GALNT13: variants seen among roughly 807,000 people sequenced by gnomAD.
The protein encoded by GALNT13 is UDP-GalNAc:polypeptide N-acetylgalactosaminyltransferase 13.
In GALNT13, 28 loss-of-function variants were observed where a neutral mutation model predicts 64.2. The observed-to-expected ratio is 0.44, with a 90% CI of 0.32 to 0.60. The LOEUF (loss-of-function observed/expected upper bound fraction) is 0.60, where lower values mean the gene tolerates loss of function less well. Ranked by LOEUF, GALNT13 falls within the 20% of genes least tolerant of loss-of-function variation. The pLI, the probability that GALNT13 is intolerant of heterozygous loss-of-function variation, is 0.05. For synonymous variants in GALNT13, 214 were observed against 224.6 expected (o/e 0.95, Z 0.42); for missense variants, 577 against 669.8 (o/e 0.86, Z 1.53).
At chr2:153,525,268 G>A in the GALNT13 span, among the ~76,000 whole-genome samples, 102 of 152,290 alleles carry the variant, frequency 6.7e-4, no homozygotes, top group Middle Eastern at 6.8e-3. Flanking sequence ...TACATTGAGG[G>A]CTCAGGCAAG....
chr2:153,227,334 G>A, the GALNT13 span, among the ~76,000 whole-genome samples: 4 of 152,126 alleles, frequency 2.6e-5, no homozygotes, highest in African/African-American at 9.7e-5. Flanking sequence ...AAATTTGTAG[G>A]GCCAATGTAG....
At chr2:154,112,844 A>C (rs1027545494) in intron 3 of GALNT13, among the ~76,000 whole-genome samples, 3 of 152,172 alleles carry the variant, frequency 2.0e-5, no homozygotes, top group Non-Finnish European at 4.4e-5. Context: ...GGAACTTCCC[A>C]TAAGGCCACT....
chr2:153,937,175 G>A (rs1690997741), intron 2 of GALNT13, among the ~76,000 whole-genome samples: 1 of 152,126 alleles, frequency 6.6e-6, no homozygotes, highest in Non-Finnish European at 1.5e-5. Context: ...CAGAAAATTT[G>A]TACCTAAATG....
chr2:154,347,312 A>G (rs955551161), intron 9 of GALNT13, among the ~76,000 whole-genome samples: 1 of 152,162 alleles, frequency 6.6e-6, no homozygotes, highest in Non-Finnish European at 1.5e-5. Context: ...CACATACTGC[A>G]TAAAAGATGA....
At chr2:154,421,781 C>A (rs1159964390) in intron 11 of GALNT13, among the ~76,000 whole-genome samples, 1 of 151,842 alleles carries the variant, frequency 6.6e-6, no homozygotes, top group Admixed American at 6.6e-5. Flanking sequence ...TATAATTATA[C>A]ATGCAAGAAA....
At chr2:154,348,712 A>G (rs1008002715) in intron 9 of GALNT13, among the ~76,000 whole-genome samples, 1 of 151,904 alleles carries the variant, frequency 6.6e-6, no homozygotes, top group African/African-American at 2.4e-5. Context: ...ATGTCATTTT[A>G]TACTAGATGG....
the GALNT13 span, among the ~76,000 whole-genome samples, chr2:153,377,686 C>CT: frequency 6.6e-6 from 1 of 152,120 alleles, no homozygotes; most frequent in Non-Finnish European, 1.5e-5. Context: ...GCTTGCAGAA[C>CT]CATGAGCCAA....
chr2:153,859,988 T>C, the GALNT13 span, among the ~76,000 whole-genome samples: 2 of 152,178 alleles, frequency 1.3e-5, no homozygotes, highest in Admixed American at 6.5e-5. Flanking sequence ...ATAACAAAAA[T>C]GTCAATCACT....
At chr2:153,732,569 G>A in the GALNT13 span, among the ~76,000 whole-genome samples, 34 of 152,006 alleles carry the variant, frequency 2.2e-4, 1 homozygote, top group South Asian at 4.8e-3. Flanking sequence ...TGTGTACAAC[G>A]GCTGAATCAA....
intron 7 of GALNT13, among the ~76,000 whole-genome samples, chr2:154,253,090 T>C (rs1366656930): frequency 2.0e-5 from 3 of 152,180 alleles, no homozygotes; most frequent in Non-Finnish European, 4.4e-5. Flanking sequence ...GCTGGTATTG[T>C]TTCAAGACTG....
chr2:153,508,184 A>G, the GALNT13 span, among the ~76,000 whole-genome samples: 105 of 152,316 alleles, frequency 6.9e-4, no homozygotes, highest in African/African-American at 2.4e-3. Flanking sequence ...AGAGCACATC[A>G]GCTCTTATAG....
the GALNT13 span, among the ~76,000 whole-genome samples, chr2:153,462,993 G>A: frequency 6.6e-6 from 1 of 151,928 alleles, no homozygotes; most frequent in Non-Finnish European, 1.5e-5. Flanking sequence ...TTTGTATACT[G>A]AAGATTATCT....
At chr2:153,417,924 T>C in the GALNT13 span, among the ~76,000 whole-genome samples, 6 of 152,106 alleles carry the variant, frequency 3.9e-5, no homozygotes, top group South Asian at 1.2e-3. Flanking sequence ...AGCATAGAAA[T>C]GGGAAGAAAC....
the GALNT13 span, among the ~76,000 whole-genome samples, chr2:153,521,957 A>T: frequency 6.6e-6 from 1 of 152,160 alleles, no homozygotes; most frequent in Non-Finnish European, 1.5e-5. Context: ...ATGATATCTT[A>T]GTTGCTTCAA....
rs1370449138 is a variant in GALNT13, at chr2:153,883,519, G to A, written c.-177+11216G>A. On this transcript the variant is annotated intron_variant, in intron 1 of 12. Coordinates refer to ENST00000392825, the MANE Select transcript of GALNT13 (RefSeq NM_052917.4). ...ATCTTCTTTAAATATAACCTTTCTT[G>A]AAAAGTTACTCCAGGTTGAACCTCA... 2.6e-5 allele frequency among the ~76,000 whole-genome samples: 4 copies of A among 152,056 alleles called. No homozygotes were observed. The East Asian group carries it at 5.8e-4, about 22-fold the overall frequency.
chr2:153,082,056 AAGC>A, the GALNT13 span, among the ~76,000 whole-genome samples: 1 of 152,274 alleles, frequency 6.6e-6, no homozygotes, highest in Non-Finnish European at 1.5e-5. Flanking sequence ...TGTTGGATAT[AAGC>A]AGTTTTAACT....
the GALNT13 span, among the ~76,000 whole-genome samples, chr2:153,090,378 G>T: frequency 2.0e-5 from 3 of 152,206 alleles, no homozygotes; most frequent in South Asian, 6.2e-4. Flanking sequence ...TTCTGTGAGA[G>T]TCCTTGGTTT....
chr2:153,568,125 T>C, the GALNT13 span, among the ~76,000 whole-genome samples: 2 of 152,374 alleles, frequency 1.3e-5, no homozygotes, highest in East Asian at 3.9e-4. Flanking sequence ...GTTCTGGATT[T>C]ATTCTTATAA....
intron 3 of GALNT13, among the ~76,000 whole-genome samples, chr2:154,007,048 T>C (rs1205991957): frequency 6.6e-6 from 1 of 152,168 alleles, no homozygotes; most frequent in Non-Finnish European, 1.5e-5. Context: ...TTGAGTTAAT[T>C]AGAAAGGAGA....
Sources: allele counts gnomAD v4.1 joint callset (sites outside exome capture counted in the v4.1 genomes callset), GRCh38; gene constraint gnomAD v4.1.1; transcripts MANE v1.5; gene names NCBI Gene and HGNC (gene_info 2026-07-23, HGNC 2026-07-21).